COL6A6: variants seen among roughly 807,000 people sequenced by gnomAD.
COL6A6 encodes the protein collagen type VI alpha 6 chain, also known as collagen alpha-6(VI) chain.
Under a neutral mutation model 208.6 loss-of-function variants are expected in COL6A6, and 183 were observed. The ratio of observed to expected loss-of-function variants is 0.88; its 90% CI spans 0.78 to 0.99. The LOEUF is 0.99. Ranked by LOEUF, COL6A6 falls within the 50% of genes least tolerant of loss-of-function variation. The pLI is 0.00. For missense variants in COL6A6, 2,816 were observed against 2,815.2 expected, an observed-to-expected ratio of 1.00 and a Z score of -0.01; for synonymous variants, 973 against 1,011.8, an observed-to-expected ratio of 0.96 and a Z score of 0.73.
intron 36 of COL6A6, among the ~76,000 whole-genome samples, chr3:130,666,955 A>G (rs1405727526): frequency 6.6e-6 from 1 of 152,224 alleles, no homozygotes; most frequent in Admixed American, 6.5e-5. Flanking sequence ...CAGATTATCT[A>G]CAAATAAATT....
At chr3:130,634,230 TA>T (rs1241375395) in intron 26 of COL6A6, among the ~76,000 whole-genome samples, 1 of 67,946 alleles carries the variant, frequency 1.5e-5, no homozygotes, top group African/African-American at 3.8e-5. Context: ...AATAAATAAA[TA>T]AATAAATAAA....
Position 130,565,017 on chromosome 3 carries a change from G to C in COL6A6, c.685G>C (p.Asp229His). The C allele has an allele frequency of 6.2e-7, 1 of 1,613,650 alleles. No individual in the cohort carries two copies. Among genetic ancestry groups the C allele is most frequent in the Non-Finnish European group, 8.5e-7 (1 of 1,179,636 alleles). ...AGCTTGCCAAGGCCCTTCTATGGCC[G>C]ATGTTGTGTTCCTATTGGATATGTC... ...VEACQGPSMA[D>H]VVFLLDMSIN... Residue 229 changes from aspartate (D) to histidine (H), a missense_variant, in exon 4 of 37, where the codon GAT becomes CAT. By Grantham distance (81) the Asp-to-His change is moderately conservative (BLOSUM62 -1). Coordinates refer to ENST00000358511, the MANE Select transcript of COL6A6 (RefSeq NM_001102608.3).
chr3:130,661,807 C>A lies in COL6A6; in HGVS notation c.6001C>A (p.Pro2001Thr). ...AGATCACTTTGAAATCACCCCAGAG[C>A]CGGAGACTTCTGTCACTGGAGACCG... ...LLDHFEITPE[P>T]ETSVTGDRVA... Residue 2001 changes from proline to threonine, a missense_variant, in exon 35 of 37, where the codon CCG (proline) becomes ACG (threonine). Pro to Thr is a conservative substitution (Grantham distance 38). Transcript: ENST00000358511. The A allele has an allele frequency of 1.9e-6, 3 of 1,613,924 alleles. No individual in the cohort carries two copies. Among genetic ancestry groups the A allele is most frequent in the Non-Finnish European group, 2.5e-6 (3 of 1,179,880 alleles).
At chr3:130,536,577 T>G (rs2062230111) in intron 1 of COL6A6, among the ~76,000 whole-genome samples, 1 of 152,128 alleles carries the variant, frequency 6.6e-6, no homozygotes. Context: ...TAACCAAACG[T>G]CCCTTTAAGA....
At chr3:130,651,425 C>CAA (rs35957602) in intron 33 of COL6A6, among the ~76,000 whole-genome samples, 1,019 of 60,074 alleles carry the variant, frequency 0.017, 18 homozygotes, top group South Asian at 0.037. Context: ...GACTCCATCT[C>CAA]AAAAAAAAAA....
At chr3:130,532,121 A>G (rs1028839881) in intron 1 of COL6A6, among the ~76,000 whole-genome samples, 4 of 152,190 alleles carry the variant, frequency 2.6e-5, no homozygotes, top group Non-Finnish European at 5.9e-5. Context: ...TGAGATTAAT[A>G]TATAAATAAC....
At chr3:130,648,948 A>T in intron 32 of COL6A6, 121 bp from the exon 33 acceptor site, 1 of 779,552 alleles carries the variant, frequency 1.3e-6, no homozygotes, top group Non-Finnish European at 1.9e-6. Flanking sequence ...TGTTTGTTTT[A>T]ATACTTAAAT....
intron 23 of COL6A6, 66 bp downstream of exon 23, chr3:130,610,777 TC>T: frequency 8.4e-7 from 1 of 1,186,500 alleles, no homozygotes; most frequent in Non-Finnish European, 1.2e-6. Context: ...TGTGGTTTCT[TC>T]CATACAGGTG....
intron 22 of COL6A6, among the ~76,000 whole-genome samples, chr3:130,609,952 C>CTTTTT (rs1054764231): frequency 3.4e-5 from 4 of 116,280 alleles, no homozygotes; most frequent in Non-Finnish European, 5.5e-5. Context: ...GGAAAGCTCA[C>CTTTTT]TTTTTTTTTT....
At chr3:130,562,823 C>A (rs1040583398) in intron 2 of COL6A6, among the ~76,000 whole-genome samples, 4 of 151,982 alleles carry the variant, frequency 2.6e-5, no homozygotes, top group African/African-American at 9.7e-5. Context: ...TTAACCAATT[C>A]CTTGCAAAAG....
intron 1 of COL6A6, among the ~76,000 whole-genome samples, chr3:130,538,120 GCA>G (rs1396041916): frequency 6.6e-6 from 1 of 152,210 alleles, no homozygotes; most frequent in Non-Finnish European, 1.5e-5. Flanking sequence ...AGTGGAAAAA[GCA>G]CTGGACTCAG....
intron 3 of COL6A6, 120 bp from the exon 4 acceptor site, chr3:130,564,874 T>C: frequency 9.0e-7 from 1 of 1,114,118 alleles, no homozygotes; most frequent in Non-Finnish European, 1.3e-6. Context: ...TAATTATTTG[T>C]CTACCTCCTT....
intron 24 of COL6A6, among the ~76,000 whole-genome samples, chr3:130,623,811 T>G (rs114273675): frequency 0.021 from 3,249 of 152,210 alleles, 132 homozygotes; most frequent in African/African-American, 0.074. Context: ...GTGATGCCTC[T>G]TTGTAAGAAG....
chr3:130,612,353 A>G (rs2064384666), intron 23 of COL6A6, among the ~76,000 whole-genome samples: 1 of 152,146 alleles, frequency 6.6e-6, no homozygotes, highest in Admixed American at 6.5e-5. Context: ...AGGTATCACC[A>G]CACTGCTTTC....
At chr3:130,527,916 GGTT>G (rs140060412) in intron 1 of COL6A6, among the ~76,000 whole-genome samples, 12 of 40,752 alleles carry the variant, frequency 2.9e-4, no homozygotes, top group Non-Finnish European at 5.2e-4. Flanking sequence ...TTTTTTTTTT[GGTT>G]GTTGTTGTTG....
chr3:130,567,382 T>C (rs1304359035), intron 5 of COL6A6, 120 bp downstream of exon 5: 2 of 764,256 alleles, frequency 2.6e-6, no homozygotes, highest in Non-Finnish European at 4.2e-6. Context: ...TGTTAACTTG[T>C]GTAACTGTGT....
rs753977264 is a variant in COL6A6, at chr3:130,574,487, G to A, written c.3509G>A (p.Arg1170Lys). The A allele has an allele frequency of 1.2e-6, 2 of 1,613,994 alleles. No homozygotes were observed. Among genetic ancestry groups the A allele is most frequent in the Admixed American group, 3.3e-5 (2 of 60,034 alleles). Residue 1170 changes from arginine (R) to lysine (K), a missense_variant, in exon 8 of 37, where the codon AGG (arginine) becomes AAG (lysine). Arg to Lys is a conservative substitution (Grantham distance 26). Coordinates refer to ENST00000358511, the MANE Select transcript of COL6A6 (RefSeq NM_001102608.3). Reference protein sequence around the residue: ...NFDELKKVNKRIVRNICTTAG... With the variant: ...NFDELKKVNKKIVRNICTTAG... ...GATGAACTGAAGAAGGTCAATAAAA[G>A]GATCGTTCGCAACATCTGTACCACA...
At chr3:130,577,830 A>G (rs989294105) in intron 8 of COL6A6, among the ~76,000 whole-genome samples, 1 of 152,254 alleles carries the variant, frequency 6.6e-6, no homozygotes, top group African/African-American at 2.4e-5. Context: ...AGCTAATATC[A>G]TAGCACGTTG....
intron 1 of COL6A6, among the ~76,000 whole-genome samples, chr3:130,538,320 C>G: frequency 6.6e-6 from 1 of 152,144 alleles, no homozygotes; most frequent in South Asian, 2.1e-4. Flanking sequence ...TTATACAAGC[C>G]TGTAGACATG....
Sources: gnomAD v4.1 joint callset for allele counts (sites outside exome capture counted in the v4.1 genomes callset) on GRCh38, gnomAD v4.1.1 for gene constraint, MANE v1.5 for transcripts, NCBI Gene and HGNC (gene_info 2026-07-23, HGNC 2026-07-21) for gene names.